The following RALY variants were observed in gnomAD, a reference collection of about 807,000 sequenced individuals.
The protein encoded by RALY is RNA-binding protein Raly.
A neutral mutation model predicts 30.7 loss-of-function variants in RALY; 15 were observed. The ratio of observed to expected loss-of-function variants is 0.49; its 90% confidence interval spans 0.33 to 0.75. The LOEUF is 0.75. Among genes scored for constraint, RALY ranks in the 30% least tolerant of loss-of-function variants. The pLI, the probability that RALY is intolerant of heterozygous loss-of-function variation, is 0.02. For missense variants in RALY, 339 were observed against 414.3 expected, an observed-to-expected ratio of 0.82 and a Z score of 1.58; for synonymous variants, 177 against 170.8, an observed-to-expected ratio of 1.04 and a Z score of -0.28.
At chr20:34,045,144 T>C (rs1352172996) in intron 2 of RALY, among the ~76,000 whole-genome samples, 2 of 152,116 alleles carry the variant, frequency 1.3e-5, no homozygotes, top group Non-Finnish European at 2.9e-5. Flanking sequence ...CATCTTGGGC[T>C]TAAGCGATCC....
At chr20:34,038,872 A>G (rs1490354550) in intron 2 of RALY, among the ~76,000 whole-genome samples, 1 of 152,230 alleles carries the variant, frequency 6.6e-6, no homozygotes, top group Non-Finnish European at 1.5e-5. Context: ...GCGTTCAATC[A>G]CTAGTGATTG....
rs186186809 is a variant in RALY at position 34,038,578 on chromosome 20, C to T, written c.-10+6974C>T. On this transcript the variant is annotated intron_variant, in intron 2 of 9. Transcript: ENST00000246194. ...TGCCACCTCCCATATCCCCAATTAA[C>T]GTAAACTGTCAAGAGTCAACAATTC... Among the ~76,000 whole-genome samples the T allele has an allele frequency of 1.3e-3, 204 of 152,252 alleles. 2 individuals are homozygous for T. Among genetic ancestry groups the T allele is most frequent in the Non-Finnish European group, 2.3e-3 (154 of 68,012 alleles).
At chr20:34,076,229 T>C in intron 6 of RALY, 189 bp downstream of exon 6, 1 of 767,508 alleles carries the variant, frequency 1.3e-6, no homozygotes, top group Non-Finnish European at 2.0e-6. Context: ...AGGGGTTGTG[T>C]TGGGCACAGA....
intron 1 of RALY, among the ~76,000 whole-genome samples, chr20:34,030,102 G>A (rs1032681581): frequency 6.6e-6 from 1 of 150,592 alleles, no homozygotes; most frequent in South Asian, 2.1e-4. Context: ...GTGTAGATGG[G>A]TGGGGAACTC....
chr20:34,077,753 ACT>A (rs2033935843), intron 8 of RALY: 1 of 215,026 alleles, frequency 4.7e-6, no homozygotes, highest in African/African-American at 2.4e-5. Context: ...GGTGGACCAA[ACT>A]CTGAGTCTGT....
At chr20:34,034,986 A>G (rs959939666) in intron 2 of RALY, among the ~76,000 whole-genome samples, 1 of 151,940 alleles carries the variant, frequency 6.6e-6, no homozygotes, top group African/African-American at 2.4e-5. Flanking sequence ...CCCCGTCTCT[A>G]CTGAAAAATA....
chr20:34,010,606 A>G (rs1056756638), intron 1 of RALY, among the ~76,000 whole-genome samples: 16 of 152,170 alleles, frequency 1.1e-4, no homozygotes, highest in African/African-American at 3.9e-4. Context: ...GATTACTGAA[A>G]CATCATCCAG....
intron 1 of RALY, among the ~76,000 whole-genome samples, chr20:34,015,795 C>T (rs532554536): frequency 2.0e-5 from 3 of 152,038 alleles, no homozygotes; most frequent in Non-Finnish European, 4.4e-5. Flanking sequence ...CACACAGAGG[C>T]AGACACCTAC....
At chr20:34,005,150 C>G (rs374065205) in intron 1 of RALY, among the ~76,000 whole-genome samples, 26 of 152,212 alleles carry the variant, frequency 1.7e-4, no homozygotes, top group African/African-American at 5.5e-4. Context: ...GCTAGAGATG[C>G]CACTAGGGAC....
intron 2 of RALY, among the ~76,000 whole-genome samples, chr20:34,041,100 C>T (rs759901343): frequency 3.3e-5 from 5 of 152,146 alleles, no homozygotes. Flanking sequence ...ATGTTTCCAT[C>T]GTGATCATGG....
intron 2 of RALY, among the ~76,000 whole-genome samples, chr20:34,040,155 G>C (rs2032646822): frequency 6.6e-6 from 1 of 151,878 alleles, no homozygotes; most frequent in African/African-American, 2.4e-5. Flanking sequence ...AGCACACAGA[G>C]AATTATTTAG....
intron 1 of RALY, among the ~76,000 whole-genome samples, chr20:34,004,186 C>CA (rs1239058389): frequency 6.6e-6 from 1 of 152,112 alleles, no homozygotes; most frequent in African/African-American, 2.4e-5. Context: ...GGAGGAGGGG[C>CA]AGAGGGGGAG....
At chr20:34,069,979 A>G (rs1266969423) in intron 2 of RALY, among the ~76,000 whole-genome samples, 2 of 152,112 alleles carry the variant, frequency 1.3e-5, no homozygotes, top group East Asian at 3.8e-4. Context: ...TTTCTTCCCA[A>G]GTTGGGCTCA....
chr20:34,040,569 C>T (rs996674261), intron 2 of RALY, among the ~76,000 whole-genome samples: 1 of 152,314 alleles, frequency 6.6e-6, no homozygotes, highest in African/African-American at 2.4e-5. Flanking sequence ...GGTTCATCCC[C>T]GAGTCTTCCC....
intron 2 of RALY, among the ~76,000 whole-genome samples, chr20:34,053,315 G>A (rs927226791): frequency 6.6e-6 from 1 of 150,568 alleles, no homozygotes; most frequent in African/African-American, 2.4e-5. Context: ...AGGGTTTGAC[G>A]GCAAATTAGT....
intron 2 of RALY, among the ~76,000 whole-genome samples, chr20:34,054,848 G>C (rs899710213): frequency 6.6e-6 from 1 of 151,502 alleles, no homozygotes; most frequent in African/African-American, 2.4e-5. Context: ...GAAAGAAATT[G>C]GTTCCAGTTG....
At chr20:34,073,434 C>A in intron 3 of RALY, 129 bp from the exon 4 acceptor site, 1 of 817,570 alleles carries the variant, frequency 1.2e-6, no homozygotes. Context: ...CCTTTGTTGG[C>A]ACCATCAGTG....
In RALY at chr20:33,993,946, G is replaced by A. The variant is rs2030435956; in HGVS notation, c.-278G>A. The A allele has an allele frequency of 6.6e-6, 1 of 151,968 alleles. No individual in the cohort carries two copies. Among genetic ancestry groups the A allele is most frequent in the Non-Finnish European group, 1.5e-5 (1 of 67,942 alleles). 9.4% of individuals were successfully genotyped at this position (151,968 alleles called of 1,614,324 possible). A position where few individuals can be genotyped will look rare whatever the true frequency, so the allele number is the denominator to read the frequency against. On this transcript the variant is annotated 5_prime_UTR_variant, in exon 1 of 10. Transcript: ENST00000246194. ...CGGGGCGCGCGAGCGGCGCCAGCTC[G>A]GGGCAGCGGAACCCAGAGAAGCTGA...
chr20:34,010,290 G>A (rs180957533), intron 1 of RALY, among the ~76,000 whole-genome samples: 40 of 152,204 alleles, frequency 2.6e-4, no homozygotes, highest in East Asian at 1.4e-3. Flanking sequence ...ATGCAGTGGC[G>A]TAATCTCAGC....
Sources: allele counts gnomAD v4.1 joint callset (sites outside exome capture counted in the v4.1 genomes callset), GRCh38; gene constraint gnomAD v4.1.1; transcripts MANE v1.5; gene names NCBI Gene and HGNC (gene_info 2026-07-23, HGNC 2026-07-21).